EXTL3: variants seen among roughly 807,000 people sequenced by gnomAD.
EXTL3 encodes exostosin-like 3.
A neutral mutation model predicts 69.3 loss-of-function variants in EXTL3; 27 were observed. The ratio of observed to expected loss-of-function variants is 0.39; its 90% CI spans 0.29 to 0.54. EXTL3 has a LOEUF of 0.54. EXTL3 is among the 20% of genes least tolerant of loss of function. The pLI is 0.69. For synonymous variants in EXTL3, 511 were observed against 499.4 expected (o/e 1.02, Z -0.31); for missense variants, 1,003 against 1,231.8 (o/e 0.81, Z 2.78).
intron 2 of EXTL3, among the ~76,000 whole-genome samples, chr8:28,617,347 T>A (rs979608310): frequency 6.6e-6 from 1 of 152,206 alleles, no homozygotes; most frequent in African/African-American, 2.4e-5. Context: ...TAAGCTAATG[T>A]TCATAGCAAC....
chr8:28,620,103 G>C (rs1330306953), upstream of EXTL3, among the ~76,000 whole-genome samples: 1 of 151,734 alleles, frequency 6.6e-6, no homozygotes, highest in Non-Finnish European at 1.5e-5. Flanking sequence ...TCGATCTCTT[G>C]ACCTAGTGAT....
chr8:28,723,376 C>G (rs1801339097), intron 3 of EXTL3, among the ~76,000 whole-genome samples: 1 of 152,084 alleles, frequency 6.6e-6, no homozygotes, highest in East Asian at 1.9e-4. Context: ...GGCTGTATGG[C>G]TGCAAAGGAA....
rs1802096343 is a variant in EXTL3, at chr8:28,755,255, T to G, written c.*4389T>G. On this transcript the variant is annotated 3_prime_UTR_variant, in exon 7 of 7. Transcript: ENST00000220562. ...GGCTGAGTGCCCTGCTCACCTCCTA[T>G]TAGAGCCCCCACGCTCTGTCGCCTC... 1 of 152,396 alleles carries G rather than the reference T, an allele frequency of 6.6e-6. No individual in the cohort carries two copies. The highest frequency in any genetic ancestry group is 1.5e-5 in the Non-Finnish European group (1 of 68,096). The allele number at this position is 152,396 out of a possible 1,614,324, so 9.4% of individuals were successfully genotyped here. A position where few individuals can be genotyped will look rare whatever the true frequency, so the allele number is the denominator to read the frequency against.
At chr8:28,709,995 C>G (rs1221644081) in intron 1 of EXTL3, among the ~76,000 whole-genome samples, 1 of 152,184 alleles carries the variant, frequency 6.6e-6, no homozygotes, top group African/African-American at 2.4e-5. Context: ...GAGGAGCTAG[C>G]AGATGGCGAC....
upstream of EXTL3, chr8:28,699,934 TG>T (rs1800751403): frequency 6.6e-6 from 1 of 152,168 alleles, no homozygotes; most frequent in Non-Finnish European, 1.5e-5. Flanking sequence ...AGTGTGGAGA[TG>T]AACCAAGGCC....
intron 1 of EXTL3, among the ~76,000 whole-genome samples, chr8:28,703,929 T>C (rs1800865625): frequency 6.6e-6 from 1 of 152,182 alleles, no homozygotes; most frequent in South Asian, 2.1e-4. Flanking sequence ...AGAAAGGATT[T>C]TTCACGTTTG....
At position 28,716,095 on chromosome 8, in the gene EXTL3, G is replaced by A. The variant is rs760155236; in HGVS notation, c.36G>A (p.Ala12=). The A allele has an allele frequency of 3.5e-5, 57 of 1,611,612 alleles. No homozygotes were observed. Among genetic ancestry groups the A allele is most frequent in the Middle Eastern group, 3.3e-4 (2 of 6,056 alleles). The part of the protein sequence containing the change: ...TGYTMLRNGG[A]GNGGQTCMLR... ...ATACCATGCTGCGGAATGGGGGCGC[G>A]GGGAACGGAGGTCAGACCTGCATGC... is the stretch of plus-strand genomic sequence containing the variant. The change falls in exon 3 of 7, where the codon GCG becomes GCA. Residue 12 remains alanine (A), a synonymous_variant. Coordinates refer to ENST00000220562, the MANE Select transcript of EXTL3 (RefSeq NM_001440.4). This position sits in a 1 kb window ranked among gnomAD's most constrained non-coding sequence, Gnocchi z 7.1.
At chr8:28,699,869 CAACGTA>C (rs781352267), upstream of EXTL3, 1 of 152,058 alleles carries the variant, frequency 6.6e-6, no homozygotes, top group Non-Finnish European at 1.5e-5. Flanking sequence ...TAAGTTACTC[CAACGTA>C]AAAGACTGAG....
chr8:28,610,215 A>ATGTGTGTGTGTG (rs367793242), intron 2 of EXTL3, among the ~76,000 whole-genome samples: 1,529 of 149,420 alleles, frequency 0.01, 18 homozygotes, highest in African/African-American at 0.035. Flanking sequence ...AAATATGTAT[A>ATGTGTGTGTGTG]TGTGTGTGTG....
intron 1 of EXTL3, among the ~76,000 whole-genome samples, chr8:28,709,732 A>G (rs972006587): frequency 2.6e-5 from 4 of 152,244 alleles, no homozygotes; most frequent in African/African-American, 4.8e-5. Flanking sequence ...TTATATCAAC[A>G]AACTCTTGAA....
rs774306440 is a variant in EXTL3 at position 28,716,811 on chromosome 8, T to C, written c.752T>C (p.Leu251Pro). 1.9e-6 allele frequency: 3 copies of C among 1,614,218 alleles called. No individual in the cohort carries two copies. In the Admixed American group the frequency reaches 5.0e-5, roughly 27 times the overall value. Residue 251 changes from leucine to proline, a missense_variant, in exon 3 of 7, where the codon CTG becomes CCG. This residue lies in a region of EXTL3 where 742 missense variants were observed against 815.4 expected (regional missense o/e 0.91). Coordinates refer to ENST00000220562, the MANE Select transcript of EXTL3 (RefSeq NM_001440.4). The surrounding 1 kb of genome is among the most constrained non-coding windows in gnomAD (Gnocchi z 7.1). The part of the protein sequence containing the change: ...LVGEMQEPVV[L>P]RPAELEKQLY... ...GGAGAGATGCAGGAGCCGGTGGTGCTGCGGCCTGCTGAGCTGGAGAAGCAG... is the reference window on the plus strand; with the variant it reads ...GGAGAGATGCAGGAGCCGGTGGTGCCGCGGCCTGCTGAGCTGGAGAAGCAG...
intron 1 of EXTL3, among the ~76,000 whole-genome samples, chr8:28,674,243 C>A (rs1019326282): frequency 1.4e-5 from 2 of 145,952 alleles, no homozygotes; most frequent in African/African-American, 2.5e-5. Context: ...CTTTGCCCAG[C>A]TTTTTTTTTT....
intron 1 of EXTL3, among the ~76,000 whole-genome samples, chr8:28,643,477 C>A (rs1024577341): frequency 6.8e-6 from 1 of 146,854 alleles, no homozygotes; most frequent in Non-Finnish European, 1.5e-5. Context: ...TGCAGTGGTG[C>A]TATCTTGGCT....
intron 1 of EXTL3, among the ~76,000 whole-genome samples, chr8:28,708,490 G>A (rs990830929): frequency 1.4e-5 from 2 of 146,120 alleles, no homozygotes; most frequent in African/African-American, 2.5e-5. Context: ...ATGTGTTTTA[G>A]TGCTTATTAA....
chr8:28,621,383 T>C (rs947931777), upstream of EXTL3, among the ~76,000 whole-genome samples: 1 of 152,168 alleles, frequency 6.6e-6, no homozygotes, highest in Admixed American at 6.6e-5. Flanking sequence ...TGAAACAATC[T>C]TTCCTCACAG....
intron 1 of EXTL3, among the ~76,000 whole-genome samples, chr8:28,680,144 C>A (rs1807457852): frequency 1.3e-5 from 2 of 151,690 alleles, no homozygotes; most frequent in African/African-American, 2.4e-5. Flanking sequence ...ATAATCCCAG[C>A]ACTTTGGGAG....
At chr8:28,636,342 A>C (rs974979916) in intron 1 of EXTL3, among the ~76,000 whole-genome samples, 3 of 151,856 alleles carry the variant, frequency 2.0e-5, no homozygotes, top group Admixed American at 1.3e-4. Flanking sequence ...AAAAAAAAAA[A>C]AAAACAAATG....
Position 28,716,885 on chromosome 8 carries a change from A to G in EXTL3, c.826A>G (p.Ile276Val), listed in dbSNP as rs938712890. 8.1e-6 allele frequency: 13 copies of G among 1,614,238 alleles called. No individual in the cohort carries two copies. Among genetic ancestry groups the G allele is most frequent in the Non-Finnish European group, 1.0e-5 (12 of 1,180,046 alleles). The change falls in exon 3 of 7, where the codon ATC becomes GTC. Residue 276 changes from isoleucine (I) to valine (V), a missense_variant. Transcript: ENST00000220562. The surrounding 1 kb of genome is among the most constrained non-coding windows in gnomAD (Gnocchi z 7.1). ...WRTDGHNHVI[I>V]NLSRKSDTQN... ...GACGGATGGACACAACCATGTCATC[A>G]TCAATCTGTCACGTAAGTCAGATAC... is the stretch of plus-strand genomic sequence containing the variant.
rs55737430 is a variant in EXTL3 at position 28,713,903 on chromosome 8, C to CTT, written c.-476+372_-476+373dup. On this transcript the variant is annotated intron_variant, in intron 2 of 6. Transcript: ENST00000220562. The stretch of plus-strand genomic sequence containing the variant: ...TTCTAATATCCTCTTTTCTTTCTTT[C>CTT]TTTTTTTTTTTTTTTTTTTTGAGAT... Among the ~76,000 whole-genome samples the CTT allele has an allele frequency of 2.7e-3, 307 of 113,754 alleles. 1 individual carries two copies. The highest frequency in any genetic ancestry group is 3.4e-3 in the Non-Finnish European group (192 of 56,040). The allele number at this position is 113,754 out of a possible 152,430, so 74.6% of individuals were successfully genotyped here. A position where few individuals can be genotyped will look rare whatever the true frequency, so the allele number is the denominator to read the frequency against.
Sources: allele counts gnomAD v4.1 joint callset (sites outside exome capture counted in the v4.1 genomes callset), GRCh38; gene constraint gnomAD v4.1.1; regional missense constraint gnomAD v4.1.1; non-coding constraint Gnocchi (gnomAD v3.1); transcripts MANE v1.5; gene names NCBI Gene and HGNC (gene_info 2026-07-23, HGNC 2026-07-21).